The following NTRK2 variants were observed in gnomAD, a reference collection of about 807,000 sequenced individuals.
The protein encoded by NTRK2 is neurotrophic receptor tyrosine kinase 2.
Under a neutral mutation model 94.5 loss-of-function variants are expected in NTRK2, and 13 were observed. The ratio of observed to expected loss-of-function variants is 0.14; its 90% CI spans 0.09 to 0.22. The LOEUF (loss-of-function observed/expected upper bound fraction) is 0.22. NTRK2 is among the 10% of genes least tolerant of loss of function. The pLI is 1.00. For missense variants in NTRK2, 639 were observed against 1,071.2 expected, an observed-to-expected ratio of 0.60 and a Z score of 5.63; for synonymous variants, 372 against 407.4, an observed-to-expected ratio of 0.91 and a Z score of 1.05.
In NTRK2 at chr9:84,776,322, A is replaced by G. The variant is rs551079194; in HGVS notation, c.1396+24237A>G. On this transcript the variant is annotated intron_variant, in intron 12 of 18. Transcript: ENST00000277120. ...CTGCAACCTCTGCCTCCCAGGTTCAAGCGATTCTTATGCCTCAGTCTCCTG... is the reference window on the plus strand; with the variant it reads ...CTGCAACCTCTGCCTCCCAGGTTCAGGCGATTCTTATGCCTCAGTCTCCTG... Among the ~76,000 whole-genome samples the G allele has an allele frequency of 1.8e-3, 281 of 152,268 alleles. 1 individual carries two copies. The highest frequency in any genetic ancestry group is 5.9e-3 in the Admixed American group (91 of 15,296).
At chr9:84,847,021 A>G (rs899498570) in intron 12 of NTRK2, among the ~76,000 whole-genome samples, 8 of 152,232 alleles carry the variant, frequency 5.3e-5, no homozygotes, top group Non-Finnish European at 5.9e-5. Context: ...ATTCAAAACA[A>G]CAACAAAAGA....
chr9:84,849,247 C>T (rs2074629853), intron 12 of NTRK2, among the ~76,000 whole-genome samples: 1 of 152,114 alleles, frequency 6.6e-6, no homozygotes, highest in Non-Finnish European at 1.5e-5. Context: ...CATGATGCTG[C>T]CTTCTAAACA....
At chr9:84,712,466 G>A (rs945533475) in intron 6 of NTRK2, among the ~76,000 whole-genome samples, 2 of 152,100 alleles carry the variant, frequency 1.3e-5, no homozygotes. Flanking sequence ...TGTAATGAGG[G>A]CATGGGCTCA....
chr9:84,897,298 A>C (rs576749329), intron 14 of NTRK2, among the ~76,000 whole-genome samples: 3 of 152,058 alleles, frequency 2.0e-5, no homozygotes, highest in African/African-American at 7.2e-5. Context: ...CACCACACCC[A>C]GCTAATTTTT....
chr9:84,979,569 A>G (rs781761760), intron 17 of NTRK2, among the ~76,000 whole-genome samples: 2 of 152,240 alleles, frequency 1.3e-5, no homozygotes, highest in Non-Finnish European at 2.9e-5. Flanking sequence ...TGTTGAAATT[A>G]CAACCACGAA....
rs1453441846 is a variant in NTRK2 at position 85,023,029 on chromosome 9, C to G, written c.*1592C>G. The G allele has an allele frequency of 8.6e-6, 2 of 233,076 alleles. No homozygotes were observed. The highest frequency in any genetic ancestry group is 1.7e-5 in the Non-Finnish European group (2 of 118,012). The allele number at this position is 233,076 out of a possible 1,614,324, so 14.4% of individuals were successfully genotyped here. A position where few individuals can be genotyped will look rare whatever the true frequency, so the allele number is the denominator to read the frequency against. On this transcript the variant is annotated 3_prime_UTR_variant, in exon 19 of 19. Transcript: ENST00000277120. ...CAGTATGCTGTTTTTGTTTCCTTCA[C>G]TCCATTCAAAAAGTCAAAATACAAA...
intron 12 of NTRK2, among the ~76,000 whole-genome samples, chr9:84,847,102 C>G (rs970395604): frequency 6.6e-6 from 1 of 152,188 alleles, no homozygotes; most frequent in Non-Finnish European, 1.5e-5. Context: ...AATAGGCTGT[C>G]CTCCCATCTC....
intron 14 of NTRK2, among the ~76,000 whole-genome samples, chr9:84,914,839 A>T (rs985356271): frequency 6.6e-6 from 1 of 152,164 alleles, no homozygotes; most frequent in African/African-American, 2.4e-5. Context: ...TGTCATTCCA[A>T]AGTCTCCAGG....
intron 2 of NTRK2, among the ~76,000 whole-genome samples, chr9:84,692,468 CTTTTTTTT>C (rs71369138): frequency 1.4e-3 from 120 of 87,700 alleles, no homozygotes; most frequent in African/African-American, 5.0e-3. Context: ...TTCTTTTTTT[CTTTTTTTT>C]TTTTTTTTTT....
intron 12 of NTRK2, among the ~76,000 whole-genome samples, chr9:84,781,624 C>T (rs543727361): frequency 3.9e-4 from 60 of 152,258 alleles, no homozygotes; most frequent in Non-Finnish European, 7.8e-4. Flanking sequence ...TGAATGCCCC[C>T]TGGTGGAAAC....
At position 85,023,630 on chromosome 9, in the gene NTRK2, A is replaced by AGCC. The variant is rs1832893246; in HGVS notation, c.*2194_*2196dup. 1 of 231,838 alleles carries AGCC rather than the reference A, an allele frequency of 4.3e-6. No individual in the cohort carries two copies. Among genetic ancestry groups the AGCC allele is most frequent in the Admixed American group, 5.6e-5 (1 of 17,722 alleles). 14.4% of individuals were successfully genotyped at this position (231,838 alleles called of 1,614,324 possible). ...AGAATACACATAATAACATAATGAA[A>AGCC]GCCATATCTCCATGATATATATGTG... On this transcript the variant is annotated 3_prime_UTR_variant, in exon 19 of 19. Transcript: ENST00000277120.
intron 17 of NTRK2, among the ~76,000 whole-genome samples, chr9:84,972,291 G>T (rs376231590): frequency 6.6e-6 from 1 of 152,190 alleles, no homozygotes; most frequent in African/African-American, 2.4e-5. Context: ...AAGAACGAGA[G>T]CTGTGATGTA....
rs1484027057 is a variant in NTRK2 at position 84,670,629 on chromosome 9, G to C, written c.-120G>C. ...CTGATAAGCTGGACTCGGCACGCCC[G>C]CAACAAGCACCGAGGAGTTAAGAGA... On this transcript the variant is annotated 5_prime_UTR_variant, in exon 2 of 19. Coordinates refer to ENST00000277120, the MANE Select transcript of NTRK2 (RefSeq NM_006180.6). 1.0e-6 allele frequency: 1 copy of C among 984,176 alleles called. No individual in the cohort carries two copies. Among genetic ancestry groups the C allele is most frequent in the Non-Finnish European group, 1.6e-6 (1 of 629,462 alleles). The allele number at this position is 984,176 out of a possible 1,614,324, so 61.0% of individuals were successfully genotyped here. A position where few individuals can be genotyped will look rare whatever the true frequency, so the allele number is the denominator to read the frequency against.
At chr9:84,817,020 T>G (rs1279130812) in intron 12 of NTRK2, among the ~76,000 whole-genome samples, 1 of 152,188 alleles carries the variant, frequency 6.6e-6, no homozygotes, top group African/African-American at 2.4e-5. Flanking sequence ...TGCTTCAATT[T>G]CTTCCTTTGC....
At chr9:84,895,936 T>C (rs2076745965) in intron 14 of NTRK2, among the ~76,000 whole-genome samples, 1 of 152,286 alleles carries the variant, frequency 6.6e-6, no homozygotes, top group Admixed American at 6.5e-5. Flanking sequence ...ATTATTCACT[T>C]GCAGAGGCCT....
intron 17 of NTRK2, among the ~76,000 whole-genome samples, chr9:85,017,913 GCT>G (rs1213172121): frequency 6.6e-6 from 1 of 152,172 alleles, no homozygotes; most frequent in Non-Finnish European, 1.5e-5. Context: ...GATGAAATGA[GCT>G]CTTCTTTATA....
At chr9:84,979,818 A>G (rs1827359029) in intron 17 of NTRK2, among the ~76,000 whole-genome samples, 1 of 152,226 alleles carries the variant, frequency 6.6e-6, no homozygotes, top group South Asian at 2.1e-4. Context: ...ACCAATCAGG[A>G]GCTGTCACCA....
chr9:84,808,951 C>T (rs1045774957), intron 12 of NTRK2, among the ~76,000 whole-genome samples: 1 of 152,060 alleles, frequency 6.6e-6, no homozygotes, highest in East Asian at 1.9e-4. Context: ...GGCTTAGAGG[C>T]GTCTTCCAAA....
chr9:85,026,249 A>G lies in NTRK2; in HGVS notation c.*4812A>G, dbSNP rs1438783799. On this transcript the variant is annotated 3_prime_UTR_variant, in exon 19 of 19. Transcript: ENST00000277120. ...TCTTAACATACATCTCAGGAGACGA[A>G]ATGAGAAAAGATGGGGATGTCATTT... The G allele has an allele frequency of 4.3e-6, 1 of 230,878 alleles. No homozygotes were observed. Among genetic ancestry groups the G allele is most frequent in the Non-Finnish European group, 8.6e-6 (1 of 116,622 alleles). The allele number at this position is 230,878 out of a possible 1,614,324, so 14.3% of individuals were successfully genotyped here.
Sources: allele counts gnomAD v4.1 joint callset (sites outside exome capture counted in the v4.1 genomes callset), GRCh38; gene constraint gnomAD v4.1.1; transcripts MANE v1.5; gene names NCBI Gene and HGNC (gene_info 2026-07-23, HGNC 2026-07-21).